RGS14: variants seen among roughly 807,000 people sequenced by gnomAD.
The protein encoded by RGS14 is regulator of G-protein signaling 14.
RGS14 carries 33 observed loss-of-function variants against 63.8 expected under a neutral mutation model. The ratio of observed to expected loss-of-function variants is 0.52; its 90% CI spans 0.39 to 0.69. The LOEUF is 0.69. RGS14 is among the 30% of genes least tolerant of loss of function. The probability of loss-of-function intolerance (pLI) is 0.00; values close to 1 mark genes in which losing one functional copy is unlikely to be tolerated. For missense variants in RGS14, 739 were observed against 742.9 expected (o/e 0.99, Z 0.06); for synonymous variants, 296 against 320.9 (o/e 0.92, Z 0.83).
In RGS14 at chr5:177,372,354, T is replaced by G; in HGVS notation, c.*279T>G. 2 of 382,970 alleles carry G rather than the reference T, an allele frequency of 5.2e-6. No individual in the cohort carries two copies. The highest frequency in any genetic ancestry group is 9.4e-6 in the Non-Finnish European group (2 of 212,176). The allele number at this position is 382,970 out of a possible 1,614,324, so 23.7% of individuals were successfully genotyped here. ...CCCCTTGGAACAGGCTTGCCCAACA[T>G]GGAGGGATGGCGTTGGCAGTGCCAG... On this transcript the variant is annotated 3_prime_UTR_variant, in exon 15 of 15. Coordinates refer to ENST00000408923, the MANE Select transcript of RGS14 (RefSeq NM_006480.5).
At chr5:177,361,654 C>A (rs149611426) in intron 1 of RGS14, among the ~76,000 whole-genome samples, 52 of 152,188 alleles carry the variant, frequency 3.4e-4, no homozygotes, top group African/African-American at 1.1e-3. Context: ...CACAAGATAC[C>A]CGTAAAGATG....
At chr5:177,370,703 A>T (rs1239581451) in intron 10 of RGS14, 39 bp downstream of exon 10, 1 of 1,606,346 alleles carries the variant, frequency 6.2e-7, no homozygotes, top group South Asian at 1.1e-5. Flanking sequence ...CCAGGTCCTG[A>T]CGCTCCCTTC....
Position 177,367,723 on chromosome 5 carries a change from C to G in RGS14, c.637C>G (p.Leu213Val). The change falls in exon 7 of 15, where the codon CTG (leucine) becomes GTG (valine). Residue 213 changes from leucine to valine, a missense_variant. Physicochemically the swap from Leu to Val is conservative, Grantham distance 32. Transcript: ENST00000408923. Reference sequence around the variant, plus strand: ...TCCCCTGTACCCACAGAAGCCGAAGCTGAAGCCCGGGAAGTCGCTGCCGCT... The same window carrying G: ...TCCCCTGTACCCACAGAAGCCGAAGGTGAAGCCCGGGAAGTCGCTGCCGCT... The part of the protein sequence containing the change: ...SPDATRKKPK[L>V]KPGKSLPLGV... 6.2e-7 allele frequency: 1 copy of G among 1,613,030 alleles called. No homozygotes were observed. Among genetic ancestry groups the G allele is most frequent in the Non-Finnish European group, 8.5e-7 (1 of 1,179,696 alleles).
chr5:177,367,678 C>G, intron 6 of RGS14, 36 bp from the exon 7 acceptor site: 1 of 1,600,050 alleles, frequency 6.2e-7, no homozygotes, highest in Non-Finnish European at 8.5e-7. Context: ...CGGGCTGGGG[C>G]CCAGCCCGGT....
At position 177,371,080 on chromosome 5, in the gene RGS14, CGG is replaced by C. The variant is rs746088221; in HGVS notation, c.1254+52_1254+53del. ...GGGCGGGGCGGGGCCGGGCCGGGGC[CGG>C]GGCCGGGGCCGGGGCCGGGGCCGGG... On this transcript the variant is annotated intron_variant, in intron 11 of 14. Coordinates refer to ENST00000408923, the MANE Select transcript of RGS14 (RefSeq NM_006480.5). This position sits in a 1 kb window ranked among gnomAD's most constrained non-coding sequence, Gnocchi z 6.1. 7.2e-4 allele frequency: 163 copies of C among 225,326 alleles called. 4 individuals carry two copies. The African/African-American group carries it at 9.3e-3, about 13-fold the overall frequency. The allele number at this position is 225,326 out of a possible 1,614,324, so 14.0% of individuals were successfully genotyped here.
Position 177,368,177 on chromosome 5 carries a change from GCC to G in RGS14, c.761_762del (p.Ala254GlyfsTer29), listed in dbSNP as rs1287150551. On this transcript the variant is annotated frameshift_variant, in exon 8 of 15. Transcript: ENST00000408923. LOFTEE classifies it high-confidence loss of function. ...FRRELGGTANAALRRESQGSL... is the reference protein window; with the variant it reads ...FRRELGGTANXALRRESQGSL... ...ACTAGAGCTGGGCGGGACTGCAAACGCCGCCTTGCGCCGAGAGTCTCAGGGCT... is the reference window on the plus strand; with the variant it reads ...ACTAGAGCTGGGCGGGACTGCAAACGGCCTTGCGCCGAGAGTCTCAGGGCT... 20 of 1,613,454 alleles carry G rather than the reference GCC, an allele frequency of 1.2e-5. No homozygotes were observed. Among genetic ancestry groups the G allele is most frequent in the Non-Finnish European group, 1.6e-5 (19 of 1,179,900 alleles).
At position 177,367,019 on chromosome 5, in the gene RGS14, G is replaced by T; in HGVS notation, c.468G>T (p.Arg156=). 1 of 1,610,950 alleles carries T rather than the reference G, an allele frequency of 6.2e-7. No homozygotes were observed. Residue 156 remains arginine (R), a synonymous_variant, in exon 5 of 15, where the codon CGG becomes CGT. Coordinates refer to ENST00000408923, the MANE Select transcript of RGS14 (RefSeq NM_006480.5). The part of the protein sequence containing the change: ...VLAEPRPDMF[R]AQQLQIFNLM... Reference sequence around the variant, plus strand: ...CCGAGCCCCGGCCGGACATGTTTCGGGCACAGCAGCTTCAGGTGGGCGATC... The same window carrying T: ...CCGAGCCCCGGCCGGACATGTTTCGTGCACAGCAGCTTCAGGTGGGCGATC...
chr5:177,359,819 T>C lies in RGS14; in HGVS notation c.45+1750T>C, dbSNP rs946866096. On this transcript the variant is annotated intron_variant, in intron 1 of 14. Transcript: ENST00000408923. The surrounding 1 kb of genome is among the most constrained non-coding windows in gnomAD (Gnocchi z 4.4). ...GGCACTGGGATCTGAGGTGCGGATGTGGATGGAGGGGCGCCTGGGGGACAG... is the reference window on the plus strand; with the variant it reads ...GGCACTGGGATCTGAGGTGCGGATGCGGATGGAGGGGCGCCTGGGGGACAG... 3.3e-5 allele frequency among the ~76,000 whole-genome samples: 5 copies of C among 152,180 alleles called. No homozygotes were observed. The highest frequency in any genetic ancestry group is 1.3e-4 in the Admixed American group (2 of 15,274).
intron 8 of RGS14, 120 bp downstream of exon 8, chr5:177,368,386 C>T (rs1762160203): frequency 1.9e-6 from 2 of 1,055,890 alleles, no homozygotes; most frequent in East Asian, 2.6e-5. Context: ...GCTTGCTCTG[C>T]GTAGCCAACC....
At chr5:177,360,048 TG>T (rs1164083091) in intron 1 of RGS14, among the ~76,000 whole-genome samples, 6 of 152,192 alleles carry the variant, frequency 3.9e-5, no homozygotes, top group Admixed American at 2.6e-4. Flanking sequence ...CCATTCAGCT[TG>T]TCAGGCAGTT....
At chr5:177,367,913 CAGTCTGTA>C (rs1762141063) in intron 7 of RGS14, 88 bp downstream of exon 7, 1 of 1,454,568 alleles carries the variant, frequency 6.9e-7, no homozygotes, top group Non-Finnish European at 9.0e-7. Flanking sequence ...ACGTGGCCCA[CAGTCTGTA>C]AGTCTGTGAA....
Position 177,358,347 on chromosome 5 carries a change from G to T in RGS14, c.45+278G>T, listed in dbSNP as rs1217096432. ...ACCACTCCCTCACCTGCTGCATCTG[G>T]GGCTGCATCCCAGGGTCTCAGGGAC... On this transcript the variant is annotated intron_variant, in intron 1 of 14. Transcript: ENST00000408923. This position sits in a 1 kb window ranked among gnomAD's most constrained non-coding sequence, Gnocchi z 4.8. 6.6e-6 allele frequency among the ~76,000 whole-genome samples: 1 copy of T among 152,138 alleles called. No homozygotes were observed. Among genetic ancestry groups the T allele is most frequent in the Non-Finnish European group, 1.5e-5 (1 of 68,012 alleles).
At chr5:177,368,066 T>C (rs755474480) in intron 7 of RGS14, 91 bp from the exon 8 acceptor site, 2 of 1,539,146 alleles carry the variant, frequency 1.3e-6, no homozygotes, top group Admixed American at 1.9e-5. Context: ...GCAGGATGGC[T>C]CCAAACAAGG....
chr5:177,362,907 G>A (rs1346919408), intron 1 of RGS14, among the ~76,000 whole-genome samples: 1 of 152,170 alleles, frequency 6.6e-6, no homozygotes, highest in African/African-American at 2.4e-5. Context: ...TTGAAGTGCT[G>A]GCTGGCGCCA....
rs901332957 is a variant in RGS14, at chr5:177,359,112, A to C, written c.45+1043A>C. On this transcript the variant is annotated intron_variant, in intron 1 of 14. Coordinates refer to ENST00000408923, the MANE Select transcript of RGS14 (RefSeq NM_006480.5). The surrounding 1 kb of genome is among the most constrained non-coding windows in gnomAD (Gnocchi z 4.4). ...TCAGCCCAGTGCCCCCTACATTTTC[A>C]GCCCCAATTCAAAGATCTCCTGCCT... Among the ~76,000 whole-genome samples, 1 of 152,078 alleles carries C rather than the reference A, an allele frequency of 6.6e-6. No homozygotes were observed. Among genetic ancestry groups the C allele is most frequent in the African/African-American group, 2.4e-5 (1 of 41,404 alleles).
At position 177,370,870 on chromosome 5, in the gene RGS14, C is replaced by T. The variant is rs1390359205; in HGVS notation, c.1128-35C>T. 6.4e-6 allele frequency: 10 copies of T among 1,565,188 alleles called. No individual in the cohort carries two copies. The East Asian group carries it at 2.3e-4, about 36-fold the overall frequency. Reference sequence around the variant, plus strand: ...GGGAAGGGTTTGGCGGGGGGCCGGCCCTCCGGCCCTCTGCTGCCCGAGGGT... The same window carrying T: ...GGGAAGGGTTTGGCGGGGGGCCGGCTCTCCGGCCCTCTGCTGCCCGAGGGT... On this transcript the variant is annotated intron_variant, in intron 10 of 14. Transcript: ENST00000408923.
chr5:177,368,869 A>T lies in RGS14; in HGVS notation c.1002A>T (p.Lys334Asn), dbSNP rs1166957112. 2 of 1,614,164 alleles carry T rather than the reference A, an allele frequency of 1.2e-6. No homozygotes were observed. Among genetic ancestry groups the T allele is most frequent in the South Asian group, 1.1e-5 (1 of 91,078 alleles). ...IRDMLAGICE[K>N]RGLSLPDIKV... ...ACATGCTGGCAGGGATCTGTGAGAA[A>T]CGAGGCCTCTCTCTACCTGACATCA... The change falls in exon 9 of 15, where the codon AAA becomes AAT. Residue 334 changes from lysine to asparagine, a missense_variant. Lys to Asn is a moderately conservative substitution (Grantham distance 94). Coordinates refer to ENST00000408923, the MANE Select transcript of RGS14 (RefSeq NM_006480.5).
At chr5:177,360,891 G>A (rs541187396) in intron 1 of RGS14, among the ~76,000 whole-genome samples, 306 of 152,294 alleles carry the variant, frequency 2.0e-3, no homozygotes, top group African/African-American at 7.0e-3. Context: ...CCAGCCTGGC[G>A]ACAGAGCAAG....
rs1342806672 is a variant in RGS14, at chr5:177,366,989, G to T, written c.438G>T (p.Val146=). 1.1e-5 allele frequency: 18 copies of T among 1,613,262 alleles called. No homozygotes were observed. Among genetic ancestry groups the T allele is most frequent in the Non-Finnish European group, 1.4e-5 (17 of 1,179,954 alleles). The change falls in exon 5 of 15, where the codon GTG becomes GTT. Residue 146 remains valine, a synonymous_variant. Coordinates refer to ENST00000408923, the MANE Select transcript of RGS14 (RefSeq NM_006480.5). ...GTCAGGCCTGGCTTGGCGAGGAGGT[G>T]CTGGCCGAGCCCCGGCCGGACATGT... is the stretch of plus-strand genomic sequence containing the variant. The part of the protein sequence containing the change: ...IDRQAWLGEE[V]LAEPRPDMFR...
Sources: allele counts gnomAD v4.1 joint callset (sites outside exome capture counted in the v4.1 genomes callset), GRCh38; gene constraint gnomAD v4.1.1; non-coding constraint Gnocchi (gnomAD v3.1); transcripts MANE v1.5; gene names NCBI Gene and HGNC (gene_info 2026-07-23, HGNC 2026-07-21).